ITPR1: variants seen among roughly 807,000 people sequenced by gnomAD.
ITPR1 encodes inositol 1,4,5-trisphosphate receptor type 1, also known as inositol 1,4,5-trisphosphate-gated calcium channel ITPR1.
A neutral mutation model predicts 318.4 loss-of-function variants in ITPR1; 96 were observed. The ratio of observed to expected loss-of-function variants is 0.30; its 90% CI spans 0.26 to 0.36. The LOEUF is 0.36. Among genes scored for constraint, ITPR1 ranks in the 10% least tolerant of loss-of-function variants. The pLI is 1.00. For synonymous variants in ITPR1, 1,312 were observed against 1,289.9 expected (o/e 1.02, Z -0.37); for missense variants, 2,440 against 3,460.2 (o/e 0.71, Z 7.40).
intron 4 of ITPR1, among the ~76,000 whole-genome samples, chr3:4,621,718 C>A (rs959244192): frequency 4.6e-5 from 7 of 152,252 alleles, no homozygotes; most frequent in African/African-American, 1.4e-4. Flanking sequence ...GCAGCTCTAG[C>A]CTTTGCCTAC....
At chr3:4,500,375 GT>G (rs11351151) in intron 2 of ITPR1, among the ~76,000 whole-genome samples, 137,715 of 151,914 alleles carry the variant, frequency 0.91, 62,492 homozygotes, top group East Asian at 0.99. Context: ...AATCTTTTTT[GT>G]TTTTTTGTAG....
At chr3:4,722,159 G>C (rs550395377) in intron 40 of ITPR1, among the ~76,000 whole-genome samples, 202 of 152,164 alleles carry the variant, frequency 1.3e-3, no homozygotes, top group Non-Finnish European at 2.5e-3. Context: ...GCCATTCATT[G>C]GGAGTCATTT....
At chr3:4,684,495 C>T in intron 29 of ITPR1, 149 bp downstream of exon 29, 1 of 632,514 alleles carries the variant, frequency 1.6e-6, no homozygotes, top group African/African-American at 1.8e-5. Flanking sequence ...AGGTTAAGCT[C>T]ATGGGTTTTG....
At chr3:4,627,599 T>G (rs1187542538) in intron 4 of ITPR1, among the ~76,000 whole-genome samples, 164 bp from the exon 5 acceptor site, 1 of 152,216 alleles carries the variant, frequency 6.6e-6, no homozygotes, top group Non-Finnish European at 1.5e-5. Flanking sequence ...GTGGTGGCAA[T>G]TAAATTCAAA....
At chr3:4,531,875 A>G (rs1028605496) in intron 4 of ITPR1, among the ~76,000 whole-genome samples, 3 of 151,914 alleles carry the variant, frequency 2.0e-5, no homozygotes, top group African/African-American at 7.3e-5. Context: ...CTGAAGCCAG[A>G]CCCTGTGGGT....
intron 44 of ITPR1, among the ~76,000 whole-genome samples, chr3:4,750,170 A>G (rs2044395026): frequency 6.6e-6 from 1 of 152,100 alleles, no homozygotes; most frequent in East Asian, 1.9e-4. Flanking sequence ...TCCTTAATTT[A>G]CCTCAGGAGA....
At chr3:4,657,372 T>C (rs78465078) in intron 12 of ITPR1, among the ~76,000 whole-genome samples, 8,776 of 149,470 alleles carry the variant, frequency 0.059, 909 homozygotes, top group African/African-American at 0.21. Context: ...CTCCTGCGGA[T>C]GGATGTACCT....
chr3:4,566,854 G>A (rs1187737636), intron 4 of ITPR1, among the ~76,000 whole-genome samples: 2 of 152,036 alleles, frequency 1.3e-5, no homozygotes, highest in East Asian at 3.9e-4. Context: ...TCCTCCTCAG[G>A]AGAGTTGAGT....
chr3:4,578,844 G>A (rs2088976133), intron 4 of ITPR1, among the ~76,000 whole-genome samples: 1 of 152,090 alleles, frequency 6.6e-6, no homozygotes, highest in Non-Finnish European at 1.5e-5. Flanking sequence ...CCTTACACTG[G>A]TCCATGTAGA....
intron 46 of ITPR1, among the ~76,000 whole-genome samples, chr3:4,772,776 G>T (rs150477199): frequency 6.6e-6 from 1 of 152,218 alleles, no homozygotes; most frequent in Non-Finnish European, 1.5e-5. Context: ...CCTGTGCCTC[G>T]TAGTGAGTGG....
chr3:4,541,039 C>T (rs1295162036), intron 4 of ITPR1, among the ~76,000 whole-genome samples: 1 of 151,804 alleles, frequency 6.6e-6, no homozygotes, highest in Non-Finnish European at 1.5e-5. Context: ...TATCATTATT[C>T]TCTCCTACAA....
chr3:4,700,691 T>C (rs1255611216), intron 35 of ITPR1, among the ~76,000 whole-genome samples: 1 of 152,016 alleles, frequency 6.6e-6, no homozygotes, highest in Non-Finnish European at 1.5e-5. Context: ...TTCCAGGAGG[T>C]TGAGTGAGCT....
In ITPR1 at chr3:4,815,320, T is replaced by C. The variant is rs147937970; in HGVS notation, c.7867+102T>C. 8,696 of 1,072,046 alleles carry C rather than the reference T, an allele frequency of 8.1e-3. 47 individuals carry two copies. Among genetic ancestry groups the C allele is most frequent in the Non-Finnish European group, 0.011 (7,788 of 738,336 alleles). The allele number at this position is 1,072,046 out of a possible 1,614,324, so 66.4% of individuals were successfully genotyped here. ...GATGGGCGGGGTGCCTGCCCAGTTATGCGGGAGGGGGCACCGGCTGCTGCT... is the reference window on the plus strand; with the variant it reads ...GATGGGCGGGGTGCCTGCCCAGTTACGCGGGAGGGGGCACCGGCTGCTGCT... On this transcript the variant is annotated intron_variant, in intron 59 of 61. Transcript: ENST00000649015.
At chr3:4,575,926 AG>A (rs1172945056) in intron 4 of ITPR1, among the ~76,000 whole-genome samples, 1 of 151,840 alleles carries the variant, frequency 6.6e-6, no homozygotes, top group Non-Finnish European at 1.5e-5. Flanking sequence ...TAGTTGAGAC[AG>A]GAGGATCGCT....
At chr3:4,668,859 G>A (rs910244233) in intron 18 of ITPR1, among the ~76,000 whole-genome samples, 4 of 152,208 alleles carry the variant, frequency 2.6e-5, no homozygotes, top group African/African-American at 9.6e-5. Flanking sequence ...TGTTGGTTGA[G>A]CGTTTTTATT....
intron 5 of ITPR1, among the ~76,000 whole-genome samples, chr3:4,633,636 G>T (rs961871264): frequency 2.0e-5 from 3 of 152,158 alleles, no homozygotes; most frequent in Non-Finnish European, 4.4e-5. Context: ...ACTGGATTTT[G>T]ACTCTCTTGG....
rs138017809 is a variant in ITPR1, at chr3:4,627,309, A to G, written c.164-454A>G. 3.3e-4 allele frequency among the ~76,000 whole-genome samples: 50 copies of G among 152,252 alleles called. No homozygotes were observed. In the East Asian group the frequency reaches 5.0e-3, roughly 15 times the overall value. ...GCAAAACCCATCCCTACTAAAATAT[A>G]AAAAATTAGCCAGGCTTGGTGGCAT... On this transcript the variant is annotated intron_variant, in intron 4 of 61. Coordinates refer to ENST00000649015, the MANE Select transcript of ITPR1 (RefSeq NM_001378452.1).
At chr3:4,543,072 A>C (rs948108259) in intron 4 of ITPR1, among the ~76,000 whole-genome samples, 1 of 152,084 alleles carries the variant, frequency 6.6e-6, no homozygotes, top group Non-Finnish European at 1.5e-5. Flanking sequence ...ATAATTTTAC[A>C]GTTATAATCA....
intron 37 of ITPR1, among the ~76,000 whole-genome samples, chr3:4,708,119 T>C (rs1056104452): frequency 2.6e-5 from 4 of 152,020 alleles, no homozygotes; most frequent in Non-Finnish European, 5.9e-5. Flanking sequence ...AAGTAACATT[T>C]TGAACCAAGA....
Sources: gnomAD v4.1 joint callset for allele counts (sites outside exome capture counted in the v4.1 genomes callset) on GRCh38, gnomAD v4.1.1 for gene constraint, MANE v1.5 for transcripts, NCBI Gene and HGNC (gene_info 2026-07-23, HGNC 2026-07-21) for gene names.